The following AKR1B10 variants were observed in gnomAD, a reference collection of about 807,000 sequenced individuals.
AKR1B10 encodes the protein ARP.
In AKR1B10, 39 loss-of-function variants were observed where a neutral mutation model predicts 38.9. That is an observed-to-expected ratio of 1.00 (90% CI 0.78 to 1.31). The LOEUF is 1.31. AKR1B10 is among the 50% of genes most tolerant of loss of function. AKR1B10 has a pLI of 0.00. For missense variants in AKR1B10, 361 were observed against 382.6 expected (o/e 0.94, Z 0.47); for synonymous variants, 148 against 141.2 (o/e 1.05, Z -0.34).
intron 5 of AKR1B10, 135 bp from the exon 6 acceptor site, chr7:134,536,916 G>C (rs780309348): frequency 4.2e-5 from 67 of 1,577,992 alleles, no homozygotes; most frequent in Non-Finnish European, 5.7e-5. Context: ...CTGATCTCAC[G>C]GGTGATTTAG....
At chr7:134,531,000 C>T (rs1807841026) in intron 2 of AKR1B10, among the ~76,000 whole-genome samples, 190 bp downstream of exon 2, 1 of 152,310 alleles carries the variant, frequency 6.6e-6, no homozygotes, top group Admixed American at 6.5e-5. Context: ...TCGTGGCTGC[C>T]CCACCTGCCT....
At chr7:134,539,077 T>C in intron 9 of AKR1B10, 60 bp downstream of exon 9, 2 of 1,599,114 alleles carry the variant, frequency 1.3e-6, no homozygotes, top group South Asian at 2.2e-5. Context: ...TAATAGAGGG[T>C]TAGTTGGAAG....
intron 3 of AKR1B10, 72 bp downstream of exon 3, chr7:134,532,096 G>T (rs546243178): frequency 6.4e-7 from 1 of 1,566,292 alleles, no homozygotes; most frequent in Non-Finnish European, 8.8e-7. Context: ...CACCAGGGCT[G>T]TGGGGTGGTG....
intron 1 of AKR1B10, among the ~76,000 whole-genome samples, chr7:134,529,524 G>T (rs1214072168): frequency 6.6e-6 from 1 of 152,168 alleles, no homozygotes; most frequent in African/African-American, 2.4e-5. Context: ...TAGCAGTGGA[G>T]GTGAAGAAGG....
Position 134,530,618 on chromosome 7 carries a change from G to T in AKR1B10, c.67-25G>T, listed in dbSNP as rs199808450. On this transcript the variant is annotated intron_variant, in intron 1 of 9. Transcript: ENST00000359579. Reference sequence around the variant, plus strand: ...CATCTCTTAAAAAAAACACATATGTGATGAGCTTTTCTTTTGCCTTTCAGT... The same window carrying T: ...CATCTCTTAAAAAAAACACATATGTTATGAGCTTTTCTTTTGCCTTTCAGT... 102 of 1,613,318 alleles carry T rather than the reference G, an allele frequency of 6.3e-5. No individual in the cohort carries two copies. In the East Asian group the frequency reaches 1.4e-3, roughly 23 times the overall value.
At chr7:134,539,918 C>T (rs530052140) in intron 9 of AKR1B10, among the ~76,000 whole-genome samples, 6 of 152,274 alleles carry the variant, frequency 3.9e-5, no homozygotes, top group South Asian at 2.1e-4. Context: ...TAGCCAAAAA[C>T]GATTTTTCAC....
chr7:134,540,219 G>GAA (rs200867855), intron 9 of AKR1B10, among the ~76,000 whole-genome samples: 1 of 143,120 alleles, frequency 7.0e-6, no homozygotes, highest in East Asian at 2.0e-4. Context: ...CTCTGTCTCA[G>GAA]AAAAAAAAAA....
At chr7:134,535,585 CTTTTT>C (rs58628862) in intron 4 of AKR1B10, 276 of 410,174 alleles carry the variant, frequency 6.7e-4, no homozygotes, top group African/African-American at 6.9e-4. Context: ...TCTTTTCTGT[CTTTTT>C]TTTTTTTTTT....
rs766727974 is a variant in AKR1B10 at position 134,533,075 on chromosome 7, C to T, written c.423C>T (p.Ala141=). The T allele has an allele frequency of 1.3e-6, 2 of 1,593,052 alleles. No homozygotes were observed. The highest frequency in any genetic ancestry group is 3.6e-5 in the Admixed American group (2 of 55,080). Residue 141 remains alanine (A), a synonymous_variant, in exon 4 of 10, where the codon GCC becomes GCT. Coordinates refer to ENST00000359579, the MANE Select transcript of AKR1B10 (RefSeq NM_020299.5). ...GTGGAAAAGCAACGTTCTTGGATGCCTGGGAGGTAGGTTCCCAGCTTCCTC... is the reference window on the plus strand; with the variant it reads ...GTGGAAAAGCAACGTTCTTGGATGCTTGGGAGGTAGGTTCCCAGCTTCCTC... ...AIGGKATFLD[A]WEAMEELVDE... is the part of the protein sequence containing the mutation.
Position 134,530,820 on chromosome 7 carries a change from T to G in AKR1B10, c.234+10T>G. ...GTTCATCGTCAGCAAGGTGCAATGGTGCATTTGGTGGGAGGCCTTCACTTC... is the reference window on the plus strand; with the variant it reads ...GTTCATCGTCAGCAAGGTGCAATGGGGCATTTGGTGGGAGGCCTTCACTTC... On this transcript the variant is annotated intron_variant, in intron 2 of 9. Coordinates refer to ENST00000359579, the MANE Select transcript of AKR1B10 (RefSeq NM_020299.5). 6.2e-7 allele frequency: 1 copy of G among 1,601,630 alleles called. No homozygotes were observed. Among genetic ancestry groups the G allele is most frequent in the Non-Finnish European group, 8.5e-7 (1 of 1,173,954 alleles).
chr7:134,541,026 G>GT, intron 9 of AKR1B10, 21 bp from the exon 10 acceptor site: 1 of 1,538,642 alleles, frequency 6.5e-7, no homozygotes, highest in Non-Finnish European at 9.0e-7. Flanking sequence ...CTCTGTTTTT[G>GT]TTTTTTGTTC....
Position 134,527,976 on chromosome 7 carries a change from A to G in AKR1B10, c.65A>G (p.Lys22Arg), listed in dbSNP as rs1230908738. 2.5e-6 allele frequency: 4 copies of G among 1,614,014 alleles called. No homozygotes were observed. The highest frequency in any genetic ancestry group is 1.1e-5 in the South Asian group (1 of 91,076). ...CCCATTGTGGGCCTGGGCACTTGGA[A>G]GGTAAATATGCAAATCTTTGCACAC... ...KMPIVGLGTW[K>R]SPLGKVKEAV... is the part of the protein sequence containing the mutation. The change falls in exon 1 of 10, where the codon AAG (lysine) becomes AGG (arginine). Residue 22 changes from lysine (K) to arginine (R), a missense_variant and splice_region_variant. Lys to Arg is a conservative substitution (Grantham distance 26). Coordinates refer to ENST00000359579, the MANE Select transcript of AKR1B10 (RefSeq NM_020299.5).
intron 4 of AKR1B10, 119 bp from the exon 5 acceptor site, chr7:134,536,531 T>C: frequency 1.4e-6 from 2 of 1,450,970 alleles, no homozygotes; most frequent in Non-Finnish European, 1.8e-6. Flanking sequence ...CTGTGAATGC[T>C]TCGGCTAACC....
chr7:134,535,606 T>C (rs1178266666), intron 4 of AKR1B10: 243 of 967,720 alleles, frequency 2.5e-4, no homozygotes, highest in Non-Finnish European at 2.8e-4. Context: ...TTTTTTTTTT[T>C]TTCTTTTGAG....
At chr7:134,533,295 A>C in intron 4 of AKR1B10, among the ~76,000 whole-genome samples, 1 of 152,168 alleles carries the variant, frequency 6.6e-6, no homozygotes, top group South Asian at 2.1e-4. Context: ...ATAAGACTGG[A>C]AATACAATGT....
intron 4 of AKR1B10, among the ~76,000 whole-genome samples, chr7:134,534,409 AC>A (rs2117545321): frequency 6.6e-6 from 1 of 152,302 alleles, no homozygotes; most frequent in East Asian, 1.9e-4. Context: ...GGTGTGAGCC[AC>A]CACACCTGGC....
chr7:134,535,732 C>T (rs1450143228), intron 4 of AKR1B10: 1 of 966,366 alleles, frequency 1.0e-6, no homozygotes, highest in East Asian at 1.2e-4. Flanking sequence ...CTGAGGCAGC[C>T]TCAGTGTCAT....
At chr7:134,539,059 T>C (rs765961124) in intron 9 of AKR1B10, 42 bp downstream of exon 9, 1 of 1,610,720 alleles carries the variant, frequency 6.2e-7, no homozygotes, top group Non-Finnish European at 8.5e-7. Context: ...CCAGGAGTTT[T>C]TCTAAACTAA....
At chr7:134,528,292 C>T (rs187662738) in intron 1 of AKR1B10, among the ~76,000 whole-genome samples, 6 of 152,294 alleles carry the variant, frequency 3.9e-5, no homozygotes, top group Middle Eastern at 3.4e-3. Context: ...TCAACGTTTC[C>T]CCCAAGTCTT....
Sources: allele counts gnomAD v4.1 joint callset (sites outside exome capture counted in the v4.1 genomes callset), GRCh38; gene constraint gnomAD v4.1.1; transcripts MANE v1.5; gene names NCBI Gene and HGNC (gene_info 2026-07-23, HGNC 2026-07-21).